Variants in COL4A6 observed in about 807,000 individuals in gnomAD.
COL4A6 encodes the protein collagen alpha-6(IV) chain.
A neutral mutation model predicts 126.7 loss-of-function variants in COL4A6; 59 were observed. The observed-to-expected ratio is 0.47, with a 90% CI of 0.38 to 0.58. COL4A6 has a LOEUF of 0.58. Ranked by LOEUF, COL4A6 falls within the 20% of genes least tolerant of loss-of-function variation. The pLI, the probability that COL4A6 is intolerant of heterozygous loss-of-function variation, is 0.00. For synonymous variants in COL4A6, 547 were observed against 496.6 expected, an observed-to-expected ratio of 1.10 and a Z score of -1.35; for missense variants, 1,285 against 1,337.3, an observed-to-expected ratio of 0.96 and a Z score of 0.61.
intron 3 of COL4A6, among the ~76,000 whole-genome samples, chrX:108,278,974 C>A (rs1229542160): frequency 3.6e-5 from 4 of 111,727 alleles, no homozygotes; most frequent in African/African-American, 6.5e-5. Context: ...GCCTGCCCTA[C>A]AAGAGATCCT....
intron 2 of COL4A6, among the ~76,000 whole-genome samples, chrX:108,376,455 T>A (rs1327535136): frequency 1.8e-5 from 2 of 108,114 alleles, no homozygotes; most frequent in African/African-American, 3.4e-5. Context: ...AAAAAAAAAA[T>A]TTAACTGGGC....
rs958422787 is a variant in COL4A6 at position 108,254,711 on chromosome X, A to T, written c.145-33337T>A. Among the ~76,000 whole-genome samples the T allele has an allele frequency of 4.5e-5, 5 of 110,816 alleles. 1 individual carries two copies. The Admixed American group carries it at 4.8e-4, about 11-fold the overall frequency. ...TCCATTTTATATGGCTCACACACTT[A>T]TCTAAATCTTGCATCAATAGATGTG... is the stretch of plus-strand genomic sequence containing the variant. On this transcript the variant is annotated intron_variant, in intron 3 of 44. Transcript: ENST00000334504.
Position 108,322,661 on chromosome X carries a change from A to G in COL4A6, c.64-11833T>C, listed in dbSNP as rs1383792379. On this transcript the variant is annotated intron_variant, in intron 2 of 44. Coordinates refer to ENST00000334504, the MANE Select transcript of COL4A6 (RefSeq NM_033641.4). ...AAATGTTGCCCGTAATGTTCTTAAA[A>G]CAGAAGCCTCTTTTTCCTCTGTTAG... Among the ~76,000 whole-genome samples, 4 of 112,211 alleles carry G rather than the reference A, an allele frequency of 3.6e-5. No homozygotes were observed. In the East Asian group the frequency reaches 1.1e-3, roughly 32 times the overall value.
chrX:108,368,794 C>T (rs2148090349), intron 2 of COL4A6, among the ~76,000 whole-genome samples: 1 of 111,321 alleles, frequency 9.0e-6, no homozygotes, highest in African/African-American at 3.3e-5. Flanking sequence ...CAAACACACA[C>T]ATTAGCCTAG....
intron 2 of COL4A6, among the ~76,000 whole-genome samples, chrX:108,322,146 T>A (rs767341778): frequency 1.8e-5 from 2 of 111,372 alleles, no homozygotes; most frequent in Admixed American, 9.6e-5. Flanking sequence ...AACCTTTGCA[T>A]TGAAATGTGA....
intron 3 of COL4A6, among the ~76,000 whole-genome samples, chrX:108,287,549 C>T (rs970505385): frequency 9.8e-5 from 11 of 111,678 alleles, no homozygotes; most frequent in African/African-American, 3.6e-4. Flanking sequence ...TACTCTGATG[C>T]TATGTGAGTT....
intron 2 of COL4A6, among the ~76,000 whole-genome samples, chrX:108,367,663 T>C (rs2040233303): frequency 1.8e-5 from 2 of 112,280 alleles, no homozygotes; most frequent in African/African-American, 6.5e-5. Context: ...TTCCATTCTA[T>C]TGCATAGGAA....
Position 108,174,624 on chromosome X carries a change from G to A in COL4A6, c.2957-3C>T, listed in dbSNP as rs770520108. The A allele has an allele frequency of 2.6e-6, 3 of 1,145,870 alleles. No individual in the cohort carries two copies. In the Admixed American group the frequency reaches 9.0e-5, roughly 35 times the overall value. The allele number at this position is 1,145,870 out of a possible 1,213,427, so 94.4% of individuals were successfully genotyped here. A position where few individuals can be genotyped will look rare whatever the true frequency, so the allele number is the denominator to read the frequency against. Reference sequence around the variant, plus strand: ...TCGACCAGCCTCTCCTTTGTCACCTGTAAAAGAAATAAAAAGACTTGGAAA... The same window carrying A: ...TCGACCAGCCTCTCCTTTGTCACCTATAAAAGAAATAAAAAGACTTGGAAA... On this transcript the variant is annotated splice_region_variant and splice_polypyrimidine_tract_variant and intron_variant, in intron 30 of 44. Transcript: ENST00000334504.
chrX:108,404,289 T>C (rs1427797443), intron 2 of COL4A6, among the ~76,000 whole-genome samples: 1 of 112,223 alleles, frequency 8.9e-6, no homozygotes, highest in African/African-American at 3.2e-5. Context: ...TGTCAGATGA[T>C]GATAACATTG....
At chrX:108,370,243 T>G (rs2040293469) in intron 2 of COL4A6, among the ~76,000 whole-genome samples, 1 of 112,191 alleles carries the variant, frequency 8.9e-6, no homozygotes, top group Non-Finnish European at 1.9e-5. Flanking sequence ...CTGTCATCCA[T>G]GTAGTCTAAA....
At chrX:108,194,730 T>C in intron 15 of COL4A6, 143 bp from the exon 16 acceptor site, 4 of 579,865 alleles carry the variant, frequency 6.9e-6, no homozygotes, top group Non-Finnish European at 1.1e-5. Context: ...CTCTGGAAGC[T>C]GTAAAATCTT....
chrX:108,197,468 A>G (rs926121762), intron 13 of COL4A6, among the ~76,000 whole-genome samples: 1 of 112,229 alleles, frequency 8.9e-6, no homozygotes, highest in Non-Finnish European at 1.9e-5. Flanking sequence ...TACTTTTTGG[A>G]GCATAGATTT....
intron 2 of COL4A6, among the ~76,000 whole-genome samples, chrX:108,424,624 A>G (rs980249209): frequency 1.9e-4 from 21 of 111,728 alleles, no homozygotes; most frequent in Non-Finnish European, 3.9e-4. Flanking sequence ...ATGACTGATT[A>G]CCATATGATA....
chrX:108,227,949 T>C (rs1440912178), intron 3 of COL4A6, among the ~76,000 whole-genome samples: 1 of 111,709 alleles, frequency 9.0e-6, no homozygotes, highest in African/African-American at 3.3e-5. Context: ...TAGAGTGCAA[T>C]CAGGAAACAT....
intron 31 of COL4A6, among the ~76,000 whole-genome samples, chrX:108,173,501 C>T (rs760784131): frequency 1.5e-4 from 16 of 108,961 alleles, no homozygotes; most frequent in African/African-American, 4.4e-4. Flanking sequence ...TGTGTGTGCA[C>T]GCACACACCA....
chrX:108,341,720 T>G (rs916086842), intron 2 of COL4A6, among the ~76,000 whole-genome samples: 4 of 111,817 alleles, frequency 3.6e-5, no homozygotes, highest in Admixed American at 9.5e-5. Flanking sequence ...GAAAAATTTT[T>G]CTTCCATCTG....
At chrX:108,323,111 C>G (rs939712584) in intron 2 of COL4A6, among the ~76,000 whole-genome samples, 3 of 111,848 alleles carry the variant, frequency 2.7e-5, no homozygotes, top group Non-Finnish European at 5.6e-5. Context: ...AATTGAGTCA[C>G]TCCTACTCAT....
At chrX:108,320,018 C>T (rs186324274) in intron 2 of COL4A6, among the ~76,000 whole-genome samples, 1 of 111,363 alleles carries the variant, frequency 9.0e-6, no homozygotes, top group African/African-American at 3.3e-5. Context: ...GGTGGGAAGG[C>T]AGAATACATA....
intron 2 of COL4A6, 132 bp from the exon 3 acceptor site, chrX:108,310,960 G>A: frequency 2.0e-6 from 1 of 496,619 alleles, no homozygotes; most frequent in Non-Finnish European, 3.4e-6. Flanking sequence ...GTTGTCAGTA[G>A]TCAAATGAAA....
Sources: allele counts gnomAD v4.1 joint callset (sites outside exome capture counted in the v4.1 genomes callset), GRCh38; gene constraint gnomAD v4.1.1; transcripts MANE v1.5; gene names NCBI Gene and HGNC (gene_info 2026-07-23, HGNC 2026-07-21).